Variants in DOCK6 observed in about 807,000 individuals in gnomAD.
DOCK6 encodes the protein dedicator of cytokinesis protein 6.
Under a neutral mutation model 230.3 loss-of-function variants are expected in DOCK6, and 167 were observed. The observed-to-expected ratio is 0.73, with a 90% CI of 0.64 to 0.82. DOCK6 has a LOEUF of 0.82. DOCK6 is among the 40% of genes least tolerant of loss of function. DOCK6 has a pLI of 0.00. For synonymous variants in DOCK6, 1,148 were observed against 1,185.0 expected (o/e 0.97, Z 0.64); for missense variants, 2,598 against 2,825.8 (o/e 0.92, Z 1.83).
chr19:11,260,675 G>A (rs1043221312), intron 1 of DOCK6, among the ~76,000 whole-genome samples: 1 of 151,366 alleles, frequency 6.6e-6, no homozygotes. Context: ...CTGAGGTCAG[G>A]AGTTCGTGAC....
chr19:11,241,528 G>T, intron 14 of DOCK6: 1 of 1,552,824 alleles, frequency 6.4e-7, no homozygotes, highest in Non-Finnish European at 8.7e-7. Flanking sequence ...TGGCACAGCA[G>T]CATCGGCTGC....
chr19:11,246,552 C>CCG (rs2080037977), intron 7 of DOCK6, among the ~76,000 whole-genome samples: 1 of 152,190 alleles, frequency 6.6e-6, no homozygotes, highest in Admixed American at 6.5e-5. Context: ...GCGTGAGCCA[C>CCG]CGCGCCCCGC....
intron 37 of DOCK6, among the ~76,000 whole-genome samples, chr19:11,210,493 T>TCCCCTCACCTGTCCAC (rs2079361051): frequency 9.1e-6 from 1 of 109,768 alleles, no homozygotes; most frequent in Non-Finnish European, 1.9e-5. Flanking sequence ...CACCTGTCTA[T>TCCCCTCACCTGTCCAC]CCCCTCACCT....
At chr19:11,211,227 T>G (rs2079378886) in intron 37 of DOCK6, among the ~76,000 whole-genome samples, 1 of 151,680 alleles carries the variant, frequency 6.6e-6, no homozygotes, top group South Asian at 2.1e-4. Flanking sequence ...TTGAGTCACC[T>G]GAACTCACTA....
chr19:11,211,680 C>G (rs2079388538), intron 37 of DOCK6, 96 bp downstream of exon 37: 1 of 993,422 alleles, frequency 1.0e-6, no homozygotes, highest in East Asian at 2.7e-5. Flanking sequence ...CTCCCCTGCT[C>G]CCTCCTCACC....
At chr19:11,261,173 C>T (rs1267563329) in intron 1 of DOCK6, among the ~76,000 whole-genome samples, 2 of 152,040 alleles carry the variant, frequency 1.3e-5, no homozygotes, top group Admixed American at 6.6e-5. Flanking sequence ...CTCTTACTGT[C>T]CCCCTCCAGC....
chr19:11,205,253 C>T (rs1375766878), intron 39 of DOCK6, among the ~76,000 whole-genome samples: 2 of 152,094 alleles, frequency 1.3e-5, no homozygotes, highest in African/African-American at 2.4e-5. Context: ...ATGCGCAGAA[C>T]GTGCAGTTTT....
rs2147873815 is a variant in DOCK6 at position 11,251,061 on chromosome 19, G to A, written c.533C>T (p.Ser178Phe). 6.2e-7 allele frequency: 1 copy of A among 1,612,554 alleles called. No individual in the cohort carries two copies. The highest frequency in any genetic ancestry group is 8.5e-7 in the Non-Finnish European group (1 of 1,179,448). Residue 178 changes from serine to phenylalanine, a missense_variant, in exon 6 of 48, where the codon TCC becomes TTC. By Grantham distance (155) the Ser-to-Phe change is radical. Coordinates refer to ENST00000294618, the MANE Select transcript of DOCK6 (RefSeq NM_020812.4). ...ACTGCTTCGAGGGGTGTCTTCCGGG[G>A]AGCCCGAGCCACGCCGGGAGTCATT... is the stretch of plus-strand genomic sequence containing the variant. ...DSNDSRRGSGSPEDTPRSSGA... is the reference protein window; with the variant it reads ...DSNDSRRGSGFPEDTPRSSGA...
intron 1 of DOCK6, among the ~76,000 whole-genome samples, chr19:11,260,584 A>G (rs2080268357): frequency 6.6e-6 from 1 of 150,922 alleles, no homozygotes; most frequent in African/African-American, 2.4e-5. Context: ...TGTCTCAAAA[A>G]AAGAAAAGGA....
chr19:11,227,643 T>C (rs1599239817), intron 23 of DOCK6, among the ~76,000 whole-genome samples, 166 bp from the exon 24 acceptor site: 1 of 149,706 alleles, frequency 6.7e-6, no homozygotes, highest in East Asian at 2.0e-4. Flanking sequence ...CGGGGCTTTA[T>C]TAGCAATGGA....
At position 11,228,720 on chromosome 19, in the gene DOCK6, T is replaced by C. The variant is rs2043302; in HGVS notation, c.2814+220A>G. Reference sequence around the variant, plus strand: ...GACTACAGGCGCCTGCCACCACTCCTGGCTAATTTTTTTTTGTATTTTTAG... The same window carrying C: ...GACTACAGGCGCCTGCCACCACTCCCGGCTAATTTTTTTTTGTATTTTTAG... On this transcript the variant is annotated intron_variant, in intron 23 of 47. Coordinates refer to ENST00000294618, the MANE Select transcript of DOCK6 (RefSeq NM_020812.4). The C allele has an allele frequency of 0.26, 112,581 of 436,406 alleles. 20,773 individuals carry two copies. The highest frequency in any genetic ancestry group is 0.71 in the African/African-American group (34,680 of 49,066). The allele number at this position is 436,406 out of a possible 1,614,324, so 27.0% of individuals were successfully genotyped here.
chr19:11,213,142 C>T, intron 35 of DOCK6, 34 bp downstream of exon 35: 1 of 1,598,444 alleles, frequency 6.3e-7, no homozygotes, highest in Non-Finnish European at 8.5e-7. Flanking sequence ...TGACCAGAGC[C>T]ATGTGTGGAC....
rs1393970120 is a variant in DOCK6 at position 11,248,135 on chromosome 19, C to G, written c.737G>C (p.Arg246Pro). 7.6e-6 allele frequency: 12 copies of G among 1,572,440 alleles called. No individual in the cohort carries two copies. Among genetic ancestry groups the G allele is most frequent in the Non-Finnish European group, 1.0e-5 (12 of 1,156,372 alleles). The change falls in exon 7 of 48, where the codon CGC (arginine) becomes CCC (proline). Residue 246 changes from arginine to proline, a missense_variant. Arg to Pro is a moderately radical substitution (Grantham distance 103). Transcript: ENST00000294618. ...PAPDEDEAVERCSRPEPPREH... is the reference protein window; with the variant it reads ...PAPDEDEAVEPCSRPEPPREH... ...GCGGGGTGGCTCTGGGCGGCTACAG[C>G]GTTCCACGGCTTCATCCTGCCAAGA...
chr19:11,256,326 A>G (rs2080197189), intron 1 of DOCK6, among the ~76,000 whole-genome samples: 1 of 152,176 alleles, frequency 6.6e-6, no homozygotes, highest in Admixed American at 6.6e-5. Flanking sequence ...CTGCTGCTCC[A>G]GAGGAGGGAG....
chr19:11,232,628 T>C (rs1005305326), intron 22 of DOCK6, among the ~76,000 whole-genome samples: 1 of 152,070 alleles, frequency 6.6e-6, no homozygotes, highest in Non-Finnish European at 1.5e-5. Flanking sequence ...TGTGTAAGTA[T>C]ATGCATGGGG....
rs948223172 is a variant in DOCK6 at position 11,214,593 on chromosome 19, G to C, written c.4163C>G (p.Ala1388Gly). The change falls in exon 33 of 48, where the codon GCA (alanine) becomes GGA (glycine). Residue 1388 changes from alanine to glycine, a missense_variant. Transcript: ENST00000294618. ...ALVEGNLATEASLVVLDTLEI... is the reference protein window; with the variant it reads ...ALVEGNLATEGSLVVLDTLEI... ...CAGTGTGTCCAGAACCACTAGGCTT[G>C]CCTCGGTTGCCAGGTTCCCTTCCAC... The C allele has an allele frequency of 4.3e-6, 7 of 1,613,726 alleles. No individual in the cohort carries two copies. In the African/African-American group the frequency reaches 6.7e-5, roughly 15 times the overall value.
Position 11,211,887 on chromosome 19 carries a change from G to A in DOCK6, c.4651-11C>T. The A allele has an allele frequency of 1.3e-6, 2 of 1,555,124 alleles. No homozygotes were observed. Among genetic ancestry groups the A allele is most frequent in the Non-Finnish European group, 1.7e-6 (2 of 1,148,410 alleles). The stretch of plus-strand genomic sequence containing the variant: ...CATCAGGTCCTGGACCTGGAGCCGG[G>A]GAACGTCCAGGGGCCAATGAGAGCA... On this transcript the variant is annotated splice_polypyrimidine_tract_variant and intron_variant, in intron 36 of 47. Transcript: ENST00000294618.
Position 11,221,727 on chromosome 19 carries a change from C to G in DOCK6, c.3550+124G>C. 4 of 1,468,594 alleles carry G rather than the reference C, an allele frequency of 2.7e-6. No individual in the cohort carries two copies. The South Asian group carries it at 4.8e-5, about 18-fold the overall frequency. 91.0% of individuals were successfully genotyped at this position (1,468,594 alleles called of 1,614,324 possible). A position where few individuals can be genotyped will look rare whatever the true frequency, so the allele number is the denominator to read the frequency against. On this transcript the variant is annotated intron_variant, in intron 28 of 47. Coordinates refer to ENST00000294618, the MANE Select transcript of DOCK6 (RefSeq NM_020812.4). ...AAGTAGTCTGTCCTAGCACTTTAACCTGCTCTGCTAATCCTAATGTCTATA... is the reference window on the plus strand; with the variant it reads ...AAGTAGTCTGTCCTAGCACTTTAACGTGCTCTGCTAATCCTAATGTCTATA...
intron 28 of DOCK6, among the ~76,000 whole-genome samples, chr19:11,220,864 G>T (rs566164990): frequency 5.5e-4 from 78 of 140,658 alleles, no homozygotes; most frequent in African/African-American, 2.0e-3. Context: ...TCGCTCTGTC[G>T]CCCAGGCTGG....
Sources: gnomAD v4.1 joint callset for allele counts (sites outside exome capture counted in the v4.1 genomes callset) on GRCh38, gnomAD v4.1.1 for gene constraint, MANE v1.5 for transcripts, NCBI Gene and HGNC (gene_info 2026-07-23, HGNC 2026-07-21) for gene names.